The following ASAP3 variants were observed in gnomAD, a reference collection of about 807,000 sequenced individuals.
The protein encoded by ASAP3 is arf-GAP with SH3 domain, ANK repeat and PH domain-containing protein 3.
Under a neutral mutation model 118.2 loss-of-function variants are expected in ASAP3, and 85 were observed. That is an observed-to-expected ratio of 0.72 (90% CI 0.60 to 0.86). The LOEUF (loss-of-function observed/expected upper bound fraction) is 0.86, where lower values mean the gene tolerates loss of function less well. Among genes scored for constraint, ASAP3 ranks in the 40% least tolerant of loss-of-function variants. The pLI is 0.00. For missense variants in ASAP3, 1,026 were observed against 1,175.0 expected (o/e 0.87, Z 1.85); for synonymous variants, 432 against 477.4 (o/e 0.90, Z 1.24).
At chr1:23,441,079 T>C in intron 10 of ASAP3, 23 bp downstream of exon 10, 1 of 1,607,614 alleles carries the variant, frequency 6.2e-7, no homozygotes, top group Non-Finnish European at 8.5e-7. Context: ...TTGGGCAAAT[T>C]ATGTAAGCTC....
chr1:23,442,353 C>A (rs961488530), intron 6 of ASAP3, 82 bp from the exon 7 acceptor site: 163 of 1,564,636 alleles, frequency 1.0e-4, no homozygotes, highest in Middle Eastern at 5.4e-4. Flanking sequence ...CCATCCCAGG[C>A]TAATCCTCCT....
intron 6 of ASAP3, 56 bp from the exon 7 acceptor site, chr1:23,442,327 C>T (rs1239264273): frequency 1.9e-5 from 30 of 1,570,016 alleles, no homozygotes; most frequent in South Asian, 3.5e-5. Flanking sequence ...ATCCTGGGAA[C>T]GAGGGGCTGC....
chr1:23,438,978 G>T lies in ASAP3; in HGVS notation c.1015-144C>A. ...TCACCCAGCAGCACCTCAAGGATGT[G>T]AAGTGTAGACTAAGACTAGATTGGG... On this transcript the variant is annotated intron_variant, in intron 11 of 24. Transcript: ENST00000336689. This position sits in a 1 kb window ranked among gnomAD's most constrained non-coding sequence, Gnocchi z 4.9. 8.9e-7 allele frequency: 1 copy of T among 1,117,738 alleles called. No individual in the cohort carries two copies. 69.2% of individuals were successfully genotyped at this position (1,117,738 alleles called of 1,614,324 possible).
chr1:23,477,475 G>A (rs1226151611), intron 1 of ASAP3, among the ~76,000 whole-genome samples: 4 of 151,738 alleles, frequency 2.6e-5, no homozygotes, highest in Admixed American at 2.6e-4. Flanking sequence ...AGCTCTGGAA[G>A]GGAGCCTGAG....
chr1:23,443,155 C>A lies in ASAP3; in HGVS notation c.474-543G>T, dbSNP rs1428420225. On this transcript the variant is annotated intron_variant, in intron 5 of 24. Transcript: ENST00000336689. The stretch of plus-strand genomic sequence containing the variant: ...CAAGTGAGATTTGGGGCAAACAGTT[C>A]TGATTTTCCTGGAAAGGATTTAAGA... 3.9e-5 allele frequency among the ~76,000 whole-genome samples: 6 copies of A among 152,308 alleles called. No individual in the cohort carries two copies. In the South Asian group the frequency reaches 1.2e-3, roughly 32 times the overall value.
intron 3 of ASAP3, among the ~76,000 whole-genome samples, chr1:23,455,266 G>A (rs1641344069): frequency 6.6e-6 from 1 of 152,242 alleles, no homozygotes; most frequent in South Asian, 2.1e-4. Context: ...ATGAACTAGT[G>A]AGAACTGTGC....
intron 5 of ASAP3, among the ~76,000 whole-genome samples, chr1:23,443,779 G>A (rs1010821514): frequency 5.3e-5 from 8 of 151,326 alleles, no homozygotes; most frequent in Admixed American, 4.0e-4. Context: ...TCACTGCAAC[G>A]GCATGATCTT....
At position 23,434,266 on chromosome 1, in the gene ASAP3, A is replaced by G. The variant is rs1416719201; in HGVS notation, c.1939T>C (p.Leu647=). 6 of 1,614,064 alleles carry G rather than the reference A, an allele frequency of 3.7e-6. No individual in the cohort carries two copies. The highest frequency in any genetic ancestry group is 5.1e-6 in the Non-Finnish European group (6 of 1,179,992). The stretch of plus-strand genomic sequence containing the variant: ...ATTCAAGCCCCACCTGTGCCAACCA[A>G]AGCTCTCCCCTTCAGCAGCAGCTTG... ...CLKLLLKGRA[L]VGTVNEAGET... is the part of the protein sequence containing the mutation. Residue 647 remains leucine (L), a synonymous_variant, in exon 19 of 25, where the codon TTG becomes CTG. Coordinates refer to ENST00000336689, the MANE Select transcript of ASAP3 (RefSeq NM_017707.4).
chr1:23,456,627 A>G (rs1328929489), intron 1 of ASAP3, among the ~76,000 whole-genome samples: 5 of 152,318 alleles, frequency 3.3e-5, no homozygotes, highest in African/African-American at 1.2e-4. Context: ...GAGAAGATGA[A>G]TGATTTGTAA....
In ASAP3 at chr1:23,438,725, G is replaced by GA. The variant is rs762211110; in HGVS notation, c.1102+21dup. The stretch of plus-strand genomic sequence containing the variant: ...AAGCCCTGAGCAGCTGTGGGTGGGG[G>GA]AGAGGCACAGGGACCACTCACGGGT... On this transcript the variant is annotated intron_variant, in intron 12 of 24. Transcript: ENST00000336689. The surrounding 1 kb of genome is among the most constrained non-coding windows in gnomAD (Gnocchi z 4.9). 6.2e-7 allele frequency: 1 copy of GA among 1,611,324 alleles called. No homozygotes were observed. Among genetic ancestry groups the GA allele is most frequent in the Admixed American group, 1.7e-5 (1 of 59,998 alleles).
At position 23,429,915 on chromosome 1, in the gene ASAP3, C is replaced by T. The variant is rs763061579; in HGVS notation, c.2653G>A (p.Gly885Arg). The change falls in exon 25 of 25, where the codon GGA (glycine) becomes AGA (arginine). Residue 885 changes from glycine to arginine, a missense_variant. By Grantham distance (125) the Gly-to-Arg change is moderately radical. Transcript: ENST00000336689. Reference protein sequence around the residue: ...RRNVPVGITEGDGSRTGSLPA... With the variant: ...RRNVPVGITERDGSRTGSLPA... Reference sequence around the variant, plus strand: ...AGACTCCCAGTCCTTGAGCCATCTCCTTCAGTGATGCCAACCTGCAGAAAG... The same window carrying T: ...AGACTCCCAGTCCTTGAGCCATCTCTTTCAGTGATGCCAACCTGCAGAAAG... 3.7e-6 allele frequency: 6 copies of T among 1,613,946 alleles called. No homozygotes were observed. In the Admixed American group the frequency reaches 8.3e-5, roughly 22 times the overall value.
At chr1:23,474,670 A>G (rs1348846911) in intron 1 of ASAP3, among the ~76,000 whole-genome samples, 1 of 150,996 alleles carries the variant, frequency 6.6e-6, no homozygotes, top group South Asian at 2.1e-4. Context: ...TGCAACCTCC[A>G]CCTCCCGGGT....
chr1:23,440,552 T>C (rs1202260626), intron 10 of ASAP3, among the ~76,000 whole-genome samples: 1 of 133,578 alleles, frequency 7.5e-6, no homozygotes, highest in African/African-American at 2.8e-5. Context: ...TAGTAAGTGT[T>C]GCAATAAGTG....
intron 5 of ASAP3, among the ~76,000 whole-genome samples, chr1:23,449,620 C>T (rs965766923): frequency 6.6e-6 from 1 of 152,120 alleles, no homozygotes; most frequent in African/African-American, 2.4e-5. Flanking sequence ...TACAGTCACC[C>T]GTGCCAAGAC....
intron 1 of ASAP3, among the ~76,000 whole-genome samples, chr1:23,468,732 G>A (rs1023231307): frequency 2.0e-5 from 3 of 151,200 alleles, no homozygotes; most frequent in East Asian, 1.9e-4. Context: ...AAAATTAGCC[G>A]GGTGTGGTGG....
At chr1:23,442,459 C>T (rs1302619341) in intron 6 of ASAP3, 42 bp downstream of exon 6, 2 of 1,603,464 alleles carry the variant, frequency 1.2e-6, no homozygotes, top group African/African-American at 1.3e-5. Context: ...GACAGGAAGA[C>T]ACATCCCACG....
chr1:23,437,596 A>G lies in ASAP3; in HGVS notation c.1103-124T>C, dbSNP rs1182902957. 1.7e-6 allele frequency: 2 copies of G among 1,208,052 alleles called. No individual in the cohort carries two copies. The highest frequency in any genetic ancestry group is 2.3e-5 in the Admixed American group (1 of 42,876). The allele number at this position is 1,208,052 out of a possible 1,614,324, so 74.8% of individuals were successfully genotyped here. A position where few individuals can be genotyped will look rare whatever the true frequency, so the allele number is the denominator to read the frequency against. On this transcript the variant is annotated intron_variant, in intron 12 of 24. Transcript: ENST00000336689. The surrounding 1 kb of genome is among the most constrained non-coding windows in gnomAD (Gnocchi z 6.1). ...GTGTCCCTGACAAGTCGGACTCTCA[A>G]GCTAGGAGTGGGAAGGGAGTGGAAT...
intron 1 of ASAP3, chr1:23,480,044 C>T (rs924795346): frequency 6.6e-6 from 1 of 152,080 alleles, no homozygotes; most frequent in African/African-American, 2.4e-5. Flanking sequence ...CGCCAGTAAT[C>T]CTAGCTACTC....
intron 1 of ASAP3, among the ~76,000 whole-genome samples, chr1:23,470,130 C>G (rs572697695): frequency 6.6e-6 from 1 of 152,140 alleles, no homozygotes; most frequent in South Asian, 2.1e-4. Context: ...TGCCTCTGAG[C>G]GAGTTCCTTC....
Sources: gnomAD v4.1 joint callset for allele counts (sites outside exome capture counted in the v4.1 genomes callset) on GRCh38, gnomAD v4.1.1 for gene constraint, Gnocchi (gnomAD v3.1) non-coding constraint, MANE v1.5 for transcripts, NCBI Gene and HGNC (gene_info 2026-07-23, HGNC 2026-07-21) for gene names.